Variants in MTUS2 observed in about 807,000 individuals in gnomAD.
MTUS2 encodes the protein microtubule-associated tumor suppressor candidate 2.
MTUS2 carries 40 observed loss-of-function variants against 114.1 expected under a neutral mutation model. The ratio of observed to expected loss-of-function variants is 0.35; its 90% CI spans 0.27 to 0.46. The LOEUF is 0.46. Ranked by LOEUF, MTUS2 falls within the 20% of genes least tolerant of loss-of-function variation. The pLI is 1.00. For missense variants in MTUS2, 1,679 were observed against 1,705.4 expected, an observed-to-expected ratio of 0.98 and a Z score of 0.27; for synonymous variants, 688 against 672.0, an observed-to-expected ratio of 1.02 and a Z score of -0.37.
intron 15 of MTUS2, 125 bp from the exon 16 acceptor site, chr13:29,502,868 C>A: frequency 1.1e-6 from 1 of 894,508 alleles, no homozygotes; most frequent in Non-Finnish European, 1.7e-6. Context: ...GTCACTGGGT[C>A]ACCCTGGTCC....
rs370382198 is a variant in MTUS2 at position 29,320,473 on chromosome 13, G to A, written c.2807-4140G>A. On this transcript the variant is annotated intron_variant, in intron 6 of 15. Coordinates refer to ENST00000612955, the MANE Select transcript of MTUS2 (RefSeq NM_001033602.4). ...AACTAAAACAGAATGAGCTGAAATT[G>A]AAGATGACCTGGAGTAGGCCAGGCA... Among the ~76,000 whole-genome samples the A allele has an allele frequency of 1.9e-3, 290 of 152,338 alleles. 1 individual carries two copies. Among genetic ancestry groups the A allele is most frequent in the African/African-American group, 6.6e-3 (275 of 41,576 alleles).
At chr13:29,098,510 T>C (rs1233644751) in intron 4 of MTUS2, among the ~76,000 whole-genome samples, 1 of 152,118 alleles carries the variant, frequency 6.6e-6, no homozygotes, top group African/African-American at 2.4e-5. Context: ...AGCCCATGTG[T>C]GTCTTTATTA....
At chr13:29,492,199 G>GGCA (rs1345576379) in intron 11 of MTUS2, among the ~76,000 whole-genome samples, 1 of 2,858 alleles carries the variant, frequency 3.5e-4, no homozygotes, top group South Asian at 0.012. Flanking sequence ...GTATGTGTGT[G>GGCA]TGGTGTGTAT....
intron 2 of MTUS2, among the ~76,000 whole-genome samples, chr13:28,957,623 A>G (rs1301323120): frequency 2.0e-5 from 3 of 152,206 alleles, no homozygotes; most frequent in African/African-American, 7.2e-5. Context: ...TGCTCAGGTT[A>G]GATGCAAATA....
intron 5 of MTUS2, among the ~76,000 whole-genome samples, chr13:29,267,678 G>T (rs1897717630): frequency 6.6e-6 from 1 of 152,172 alleles, no homozygotes; most frequent in South Asian, 2.1e-4. Context: ...GACCATGTGG[G>T]AATCACATGG....
At chr13:29,404,948 T>A (rs1381145954) in intron 8 of MTUS2, among the ~76,000 whole-genome samples, 2 of 152,236 alleles carry the variant, frequency 1.3e-5, no homozygotes, top group Non-Finnish European at 2.9e-5. Flanking sequence ...GAGAGGACAC[T>A]GGAGACGTGC....
At chr13:29,190,999 C>T (rs1894424918) in intron 5 of MTUS2, among the ~76,000 whole-genome samples, 1 of 152,094 alleles carries the variant, frequency 6.6e-6, no homozygotes, top group Admixed American at 6.5e-5. Context: ...TTTTGGGAAC[C>T]CTGTGCAGAG....
At chr13:29,394,153 G>C (rs1028753159) in intron 8 of MTUS2, among the ~76,000 whole-genome samples, 3 of 152,040 alleles carry the variant, frequency 2.0e-5, no homozygotes, top group African/African-American at 7.3e-5. Context: ...ATTTAAAGAG[G>C]TTTATTCTGA....
chr13:28,896,584 T>G lies in MTUS2; in HGVS notation c.-243+56734T>G, dbSNP rs576316305. Among the ~76,000 whole-genome samples the G allele has an allele frequency of 9.9e-5, 15 of 152,206 alleles. No homozygotes were observed. In the East Asian group the frequency reaches 1.2e-3, roughly 12 times the overall value. On this transcript the variant is annotated intron_variant, in intron 2 of 15. Transcript: ENST00000612955. ...TTCATATGGAACCAAAAAAGAGCCC[T>G]CATTGCCAAGTCAATCCTAAGCCAA...
At chr13:29,199,386 G>T (rs543847191) in intron 5 of MTUS2, among the ~76,000 whole-genome samples, 4 of 152,198 alleles carry the variant, frequency 2.6e-5, no homozygotes, top group Non-Finnish European at 5.9e-5. Context: ...TTTATTGAGA[G>T]TTTTTAGCAT....
intron 8 of MTUS2, among the ~76,000 whole-genome samples, chr13:29,405,860 C>T (rs1398387564): frequency 6.6e-6 from 1 of 151,622 alleles, no homozygotes; most frequent in Non-Finnish European, 1.5e-5. Context: ...CCTGCCTCAG[C>T]CTCTAGAGTA....
At chr13:29,056,100 G>A (rs962144698) in intron 4 of MTUS2, among the ~76,000 whole-genome samples, 2 of 152,006 alleles carry the variant, frequency 1.3e-5, no homozygotes, top group African/African-American at 4.8e-5. Flanking sequence ...TGTTGCAATT[G>A]CTTTTGGTGT....
intron 5 of MTUS2, chr13:29,239,539 T>G (rs1351098196): frequency 1.3e-5 from 2 of 152,332 alleles, no homozygotes; most frequent in East Asian, 3.9e-4. Context: ...AAATACTTAT[T>G]GGGAATGTAT....
intron 2 of MTUS2, among the ~76,000 whole-genome samples, chr13:28,911,845 G>GTTTTTTTTTTTTTTTTTTTTTTTAT (rs202187530): frequency 9.6e-6 from 1 of 103,828 alleles, no homozygotes; most frequent in African/African-American, 3.8e-5. Context: ...ACTTTTTAAT[G>GTTTTTTTTTTTTTTTTTTTTTTTAT]TTTTTTTTTT....
chr13:29,479,448 G>A (rs566925590), intron 9 of MTUS2, among the ~76,000 whole-genome samples: 18 of 152,186 alleles, frequency 1.2e-4, no homozygotes, highest in Non-Finnish European at 2.1e-4. Flanking sequence ...GATGGTGGCC[G>A]CTGTCATTGC....
chr13:29,275,362 T>C (rs1898024827), intron 5 of MTUS2, among the ~76,000 whole-genome samples: 1 of 152,234 alleles, frequency 6.6e-6, no homozygotes, highest in African/African-American at 2.4e-5. Context: ...ATTTATTCTT[T>C]GTGTTATAAA....
chr13:29,293,451 G>A (rs1401570502), intron 6 of MTUS2, among the ~76,000 whole-genome samples: 3 of 152,062 alleles, frequency 2.0e-5, no homozygotes, highest in Admixed American at 6.5e-5. Context: ...TACATCCAGC[G>A]TTGGTAAGAA....
intron 5 of MTUS2, among the ~76,000 whole-genome samples, chr13:29,233,905 A>G (rs1292575981): frequency 6.6e-6 from 1 of 152,224 alleles, no homozygotes; most frequent in East Asian, 1.9e-4. Flanking sequence ...TGCCACTGCC[A>G]TACCTCACAT....
chr13:29,005,963 C>G (rs1361358286), intron 2 of MTUS2, among the ~76,000 whole-genome samples: 1 of 152,224 alleles, frequency 6.6e-6, no homozygotes, highest in African/African-American at 2.4e-5. Flanking sequence ...CAATTCTTTT[C>G]TTATCTGATT....
Sources: gnomAD v4.1 joint callset for allele counts (sites outside exome capture counted in the v4.1 genomes callset) on GRCh38, gnomAD v4.1.1 for gene constraint, MANE v1.5 for transcripts, NCBI Gene and HGNC (gene_info 2026-07-23, HGNC 2026-07-21) for gene names.